CA10: variants seen among roughly 807,000 people sequenced by gnomAD.
The protein encoded by CA10 is carbonic anhydrase 10 (inactive), also known as carbonic anhydrase-related protein 10.
Under a neutral mutation model 44.2 loss-of-function variants are expected in CA10, and 14 were observed. The observed-to-expected ratio is 0.32, with a 90% CI of 0.21 to 0.50. The LOEUF is 0.50. Among genes scored for constraint, CA10 ranks in the 20% least tolerant of loss-of-function variants. The pLI, the probability that CA10 is intolerant of heterozygous loss-of-function variation, is 0.99. For synonymous variants in CA10, 159 were observed against 141.6 expected (o/e 1.12, Z -0.87); for missense variants, 350 against 409.7 (o/e 0.85, Z 1.26).
intron 1 of CA10, among the ~76,000 whole-genome samples, chr17:52,084,965 A>G (rs1277655642): frequency 6.6e-6 from 1 of 152,242 alleles, no homozygotes; most frequent in Non-Finnish European, 1.5e-5. Context: ...TGTGGACATC[A>G]TAGCTAGACT....
intron 1 of CA10, among the ~76,000 whole-genome samples, chr17:52,129,517 C>G (rs1335032043): frequency 6.6e-6 from 1 of 152,198 alleles, no homozygotes; most frequent in Non-Finnish European, 1.5e-5. Context: ...CATGGATATA[C>G]TATGTGGTGA....
At chr17:51,860,088 C>T (rs1188734177) in intron 3 of CA10, among the ~76,000 whole-genome samples, 1 of 152,142 alleles carries the variant, frequency 6.6e-6, no homozygotes, top group Non-Finnish European at 1.5e-5. Flanking sequence ...TTACATTTTT[C>T]TTCCTTCCTT....
chr17:51,744,251 G>C (rs963317659), intron 4 of CA10, among the ~76,000 whole-genome samples: 5 of 151,428 alleles, frequency 3.3e-5, no homozygotes, highest in Non-Finnish European at 5.9e-5. Flanking sequence ...GGAGGTGGAG[G>C]TTGCAGTGAA....
intron 4 of CA10, among the ~76,000 whole-genome samples, chr17:51,659,106 A>G (rs1358018904): frequency 6.6e-6 from 1 of 152,204 alleles, no homozygotes; most frequent in Non-Finnish European, 1.5e-5. Context: ...GTGCTTCTAG[A>G]AGATATTAGC....
In CA10 at chr17:52,020,324, G is replaced by A. The variant is rs528441745; in HGVS notation, c.136+51995C>T. Among the ~76,000 whole-genome samples the A allele has an allele frequency of 2.9e-3, 439 of 151,988 alleles. 3 individuals are homozygous for A. The highest frequency in any genetic ancestry group is 5.0e-3 in the Non-Finnish European group (342 of 67,896). Reference sequence around the variant, plus strand: ...TTTATATCATTGTTTTGGGGGGGTGGTATTTTAATTCTGCATAAATTTTAA... The same window carrying A: ...TTTATATCATTGTTTTGGGGGGGTGATATTTTAATTCTGCATAAATTTTAA... On this transcript the variant is annotated intron_variant, in intron 2 of 8. Transcript: ENST00000451037.
At chr17:51,666,205 T>C (rs756537088) in intron 4 of CA10, among the ~76,000 whole-genome samples, 1 of 152,190 alleles carries the variant, frequency 6.6e-6, no homozygotes, top group Admixed American at 6.5e-5. Flanking sequence ...TTAGAGGCAG[T>C]AGGAGGCACA....
At chr17:51,951,515 T>G (rs1484821286) in intron 2 of CA10, among the ~76,000 whole-genome samples, 1 of 152,134 alleles carries the variant, frequency 6.6e-6, no homozygotes, top group African/African-American at 2.4e-5. Context: ...ACAATCATCT[T>G]TGGTAACAAC....
chr17:51,858,904 C>T (rs755336146), intron 3 of CA10, among the ~76,000 whole-genome samples: 4 of 151,888 alleles, frequency 2.6e-5, no homozygotes, highest in Middle Eastern at 3.4e-3. Flanking sequence ...CCTATTAATC[C>T]CTATGGGAGC....
chr17:51,649,330 T>C, intron 5 of CA10, 76 bp from the exon 6 acceptor site: 1 of 1,076,100 alleles, frequency 9.3e-7, no homozygotes, highest in Admixed American at 1.7e-5. Flanking sequence ...CATTCACTTA[T>C]TCATTCATAG....
chr17:51,705,457 C>T (rs1398876003), intron 4 of CA10, among the ~76,000 whole-genome samples: 2 of 152,150 alleles, frequency 1.3e-5, no homozygotes, highest in Non-Finnish European at 2.9e-5. Context: ...CTAGTTTGCT[C>T]ACTACTGCAC....
At chr17:52,018,150 A>G (rs1986026783) in intron 2 of CA10, among the ~76,000 whole-genome samples, 1 of 152,120 alleles carries the variant, frequency 6.6e-6, no homozygotes, top group Admixed American at 6.5e-5. Flanking sequence ...CCTCAGAAAG[A>G]GCCTTTGCTA....
intron 3 of CA10, among the ~76,000 whole-genome samples, chr17:51,915,965 T>C (rs1192221554): frequency 7.1e-6 from 1 of 139,952 alleles, no homozygotes; most frequent in Non-Finnish European, 1.6e-5. Context: ...AAGATTTTGG[T>C]TAAAAAAAAA....
At chr17:51,665,905 G>A (rs1244088903) in intron 4 of CA10, among the ~76,000 whole-genome samples, 2 of 152,194 alleles carry the variant, frequency 1.3e-5, no homozygotes, top group Non-Finnish European at 2.9e-5. Flanking sequence ...TTATGCCTGG[G>A]GTTGCAAATG....
At chr17:51,978,640 G>A (rs182204987) in intron 2 of CA10, among the ~76,000 whole-genome samples, 2 of 151,962 alleles carry the variant, frequency 1.3e-5, no homozygotes, top group African/African-American at 4.8e-5. Flanking sequence ...AATATCTGAG[G>A]CAGAACACAA....
At chr17:51,938,791 C>T (rs1453219619) in intron 2 of CA10, among the ~76,000 whole-genome samples, 1 of 152,042 alleles carries the variant, frequency 6.6e-6, no homozygotes, top group Non-Finnish European at 1.5e-5. Flanking sequence ...GTGCTAGGAA[C>T]TTGACACATC....
intron 4 of CA10, among the ~76,000 whole-genome samples, chr17:51,666,291 G>T (rs1327042586): frequency 1.3e-5 from 2 of 152,218 alleles, no homozygotes; most frequent in Admixed American, 1.3e-4. Context: ...GAAGGGGAAT[G>T]AGGTAGGCTG....
At chr17:51,831,687 G>GCAGCAGCAGCAGCATCAGCAT (rs1908261551) in intron 3 of CA10, among the ~76,000 whole-genome samples, 1 of 78,550 alleles carries the variant, frequency 1.3e-5, no homozygotes, top group African/African-American at 4.0e-5. Flanking sequence ...AGCAGCAGCA[G>GCAGCAGCAGCAGCATCAGCAT]CAGCAGCAGC....
At chr17:52,100,519 A>C (rs1988513767) in intron 1 of CA10, among the ~76,000 whole-genome samples, 1 of 152,218 alleles carries the variant, frequency 6.6e-6, no homozygotes, top group Admixed American at 6.5e-5. Flanking sequence ...AAAACTCTAC[A>C]TGAAAGTGGG....
intron 3 of CA10, among the ~76,000 whole-genome samples, chr17:51,881,847 C>A (rs776620782): frequency 6.6e-6 from 1 of 152,126 alleles, no homozygotes; most frequent in Non-Finnish European, 1.5e-5. Flanking sequence ...TTGGAGAAGA[C>A]AAATAGGCAG....
Sources: gnomAD v4.1 joint callset for allele counts (sites outside exome capture counted in the v4.1 genomes callset) on GRCh38, gnomAD v4.1.1 for gene constraint, MANE v1.5 for transcripts, NCBI Gene and HGNC (gene_info 2026-07-23, HGNC 2026-07-21) for gene names.